RASGRP3: variants seen among roughly 807,000 people sequenced by gnomAD.
RASGRP3 encodes the protein RAS guanyl releasing protein 3.
Under a neutral mutation model 82.7 loss-of-function variants are expected in RASGRP3, and 54 were observed. The observed-to-expected ratio is 0.65, with a 90% CI of 0.52 to 0.82. The LOEUF is 0.82. Among genes scored for constraint, RASGRP3 ranks in the 40% least tolerant of loss-of-function variants. The probability of loss-of-function intolerance (pLI) is 0.00; values close to 1 mark genes in which losing one functional copy is unlikely to be tolerated. For missense variants in RASGRP3, 861 were observed against 828.9 expected, an observed-to-expected ratio of 1.04 and a Z score of -0.48; for synonymous variants, 309 against 300.5, an observed-to-expected ratio of 1.03 and a Z score of -0.29.
intron 1 of RASGRP3, chr2:33,436,615 C>G (rs1558385381): frequency 6.6e-6 from 1 of 152,158 alleles, no homozygotes; most frequent in African/African-American, 2.4e-5. Flanking sequence ...AAAAATCTGT[C>G]TGTTGTTGCG....
At chr2:33,524,117 C>A in intron 8 of RASGRP3, 65 bp downstream of exon 8, 1 of 1,543,632 alleles carries the variant, frequency 6.5e-7, no homozygotes. Context: ...TGAGAAAAGT[C>A]ATTGAGGAAA....
chr2:33,469,482 A>G (rs1666926582), intron 2 of RASGRP3, among the ~76,000 whole-genome samples: 1 of 148,148 alleles, frequency 6.8e-6, no homozygotes, highest in Admixed American at 6.7e-5. Context: ...TTTTTTTGAC[A>G]TGGAGTCTCA....
In RASGRP3 at chr2:33,524,000, C is replaced by G; in HGVS notation, c.638C>G (p.Pro213Arg). The G allele has an allele frequency of 1.2e-6, 2 of 1,613,864 alleles. No individual in the cohort carries two copies. Residue 213 changes from proline (P) to arginine (R), a missense_variant, in exon 8 of 18, where the codon CCA becomes CGA. By Grantham distance (103) the Pro-to-Arg change is moderately radical. Transcript: ENST00000403687. Reference protein sequence around the residue: ...KWVQLMVLSKPTPQQRAEVIT... With the variant: ...KWVQLMVLSKRTPQQRAEVIT... ...GTCCAGTTGATGGTTCTTAGCAAAC[C>G]AACCCCCCAGCAAAGGGCAGAAGTC...
At chr2:33,512,609 C>G (rs983352701) in intron 2 of RASGRP3, among the ~76,000 whole-genome samples, 2 of 152,140 alleles carry the variant, frequency 1.3e-5, no homozygotes, top group African/African-American at 4.8e-5. Context: ...GTGATGTTTA[C>G]TTAAAGCTGA....
intron 4 of RASGRP3, among the ~76,000 whole-genome samples, chr2:33,517,271 G>T (rs1181598213): frequency 1.3e-5 from 2 of 152,336 alleles, no homozygotes; most frequent in East Asian, 1.9e-4. Flanking sequence ...GTCCAGAAAA[G>T]TGGTTGAAAG....
intron 2 of RASGRP3, among the ~76,000 whole-genome samples, chr2:33,462,805 C>T (rs1278985260): frequency 1.3e-5 from 2 of 152,222 alleles, no homozygotes; most frequent in Non-Finnish European, 2.9e-5. Context: ...TGTCATTTAT[C>T]CCTGAATCAG....
intron 9 of RASGRP3, 148 bp downstream of exon 9, chr2:33,524,696 G>T: frequency 1.6e-6 from 1 of 609,372 alleles, no homozygotes; most frequent in Non-Finnish European, 2.8e-6. Flanking sequence ...AGTAGAAAGG[G>T]AATAACCACA....
In RASGRP3 at chr2:33,519,248, A is replaced by G. The variant is rs137994529; in HGVS notation, c.174-704A>G. Among the ~76,000 whole-genome samples, 114 of 152,310 alleles carry G rather than the reference A, an allele frequency of 7.5e-4. 1 individual carries two copies. The East Asian group carries it at 0.018, about 25-fold the overall frequency. On this transcript the variant is annotated intron_variant, in intron 4 of 17. Transcript: ENST00000403687. Reference sequence around the variant, plus strand: ...ACCACTGTCACATATGCAGTCCTTCATTGACTGAAACGTTGTTATGTGGTG... The same window carrying G: ...ACCACTGTCACATATGCAGTCCTTCGTTGACTGAAACGTTGTTATGTGGTG...
intron 2 of RASGRP3, among the ~76,000 whole-genome samples, chr2:33,457,789 A>G (rs1015193792): frequency 6.6e-6 from 1 of 152,146 alleles, no homozygotes; most frequent in Admixed American, 6.5e-5. Context: ...CCTGGTGGGC[A>G]GTGTTCTTAA....
intron 1 of RASGRP3, among the ~76,000 whole-genome samples, chr2:33,495,742 A>G (rs72865985): frequency 0.041 from 6,275 of 152,252 alleles, 423 homozygotes; most frequent in African/African-American, 0.14. Flanking sequence ...TAAAAAAAGA[A>G]CAATTCTTTC....
chr2:33,472,619 G>A (rs1022865315), upstream of RASGRP3, among the ~76,000 whole-genome samples: 5 of 152,120 alleles, frequency 3.3e-5, no homozygotes, highest in African/African-American at 1.2e-4. Flanking sequence ...TTTTATAGAC[G>A]CCATGGGAGA....
At chr2:33,472,438 G>T (rs984118223), upstream of RASGRP3, among the ~76,000 whole-genome samples, 7 of 152,162 alleles carry the variant, frequency 4.6e-5, no homozygotes, top group Admixed American at 1.3e-4. Flanking sequence ...TCAGAGACAG[G>T]CTTTTTGGAG....
intron 4 of RASGRP3, among the ~76,000 whole-genome samples, chr2:33,517,649 G>C (rs554724698): frequency 6.6e-6 from 1 of 152,284 alleles, no homozygotes; most frequent in African/African-American, 2.4e-5. Context: ...CAAGATCCTA[G>C]CTCCCAGTGG....
chr2:33,543,855 T>C (rs1447590773), intron 13 of RASGRP3, among the ~76,000 whole-genome samples: 1 of 152,204 alleles, frequency 6.6e-6, no homozygotes, highest in Non-Finnish European at 1.5e-5. Flanking sequence ...TGCACATTTG[T>C]AAATTATCCA....
chr2:33,506,699 A>G (rs1428297474), intron 1 of RASGRP3, among the ~76,000 whole-genome samples: 2 of 152,228 alleles, frequency 1.3e-5, no homozygotes, highest in East Asian at 3.8e-4. Flanking sequence ...CCAATGCAAG[A>G]AGGACAAAAA....
chr2:33,522,946 A>T (rs1672173522), intron 7 of RASGRP3, among the ~76,000 whole-genome samples: 1 of 152,252 alleles, frequency 6.6e-6, no homozygotes, highest in Non-Finnish European at 1.5e-5. Context: ...TTTATATGAT[A>T]GAAAGCTCTT....
At chr2:33,442,120 G>C (rs888159490) in intron 1 of RASGRP3, among the ~76,000 whole-genome samples, 1 of 152,130 alleles carries the variant, frequency 6.6e-6, no homozygotes, top group Non-Finnish European at 1.5e-5. Flanking sequence ...GAAAAAAGAA[G>C]TAAGAGCTAA....
At chr2:33,533,094 T>C (rs1673260644) in intron 10 of RASGRP3, 1 of 152,250 alleles carries the variant, frequency 6.6e-6, no homozygotes, top group Non-Finnish European at 1.5e-5. Context: ...GAGCCCGCAC[T>C]GGTTATGTTC....
At chr2:33,543,481 C>A in intron 12 of RASGRP3, 31 bp from the exon 13 acceptor site, 1 of 1,383,428 alleles carries the variant, frequency 7.2e-7, no homozygotes, top group South Asian at 1.2e-5. Context: ...GCCTTATAGT[C>A]ATTCAATAAA....
Sources: allele counts gnomAD v4.1 joint callset (sites outside exome capture counted in the v4.1 genomes callset), GRCh38; gene constraint gnomAD v4.1.1; transcripts MANE v1.5; gene names NCBI Gene and HGNC (gene_info 2026-07-23, HGNC 2026-07-21).